The following CPLX2 variants were observed in gnomAD, a reference collection of about 807,000 sequenced individuals.
CPLX2 encodes the protein complexin-2.
In CPLX2, 5 loss-of-function variants were observed where a neutral mutation model predicts 16.3. That is an observed-to-expected ratio of 0.31 (90% confidence interval 0.16 to 0.64). CPLX2 has a LOEUF of 0.64. CPLX2 is among the 30% of genes least tolerant of loss of function. CPLX2 has a pLI of 0.79. For synonymous variants in CPLX2, 89 were observed against 73.2 expected, an observed-to-expected ratio of 1.22 and a Z score of -1.10; for missense variants, 144 against 181.4, an observed-to-expected ratio of 0.79 and a Z score of 1.18.
chr5:175,853,012 C>A (rs188497739), intron 2 of CPLX2, among the ~76,000 whole-genome samples: 249 of 152,340 alleles, frequency 1.6e-3, no homozygotes, highest in Admixed American at 0.015. Context: ...AGAGGGCTAG[C>A]CTCAGACTGA....
intron 2 of CPLX2, among the ~76,000 whole-genome samples, chr5:175,834,860 C>G: frequency 6.6e-6 from 1 of 152,108 alleles, no homozygotes; most frequent in Non-Finnish European, 1.5e-5. Flanking sequence ...GGCGACAGAG[C>G]GAGATCCTGT....
upstream of CPLX2, among the ~76,000 whole-genome samples, chr5:175,867,707 C>T (rs1027852402): frequency 2.6e-5 from 4 of 152,188 alleles, no homozygotes; most frequent in East Asian, 1.9e-4. Context: ...GAGTCAGAGA[C>T]GCACGCCTGC....
intron 2 of CPLX2, among the ~76,000 whole-genome samples, chr5:175,832,901 TC>T (rs1182077943): frequency 6.6e-6 from 1 of 152,182 alleles, no homozygotes; most frequent in Non-Finnish European, 1.5e-5. Flanking sequence ...ATGCCTGTGA[TC>T]CCAGCACTTC....
intron 2 of CPLX2, among the ~76,000 whole-genome samples, chr5:175,825,185 A>C (rs2113650217): frequency 6.6e-6 from 1 of 152,274 alleles, no homozygotes; most frequent in Non-Finnish European, 1.5e-5. Flanking sequence ...TCATGAGGTC[A>C]GGAGATCAAG....
chr5:175,836,149 A>C (rs184657779), intron 2 of CPLX2, among the ~76,000 whole-genome samples: 1 of 151,924 alleles, frequency 6.6e-6, no homozygotes, highest in Non-Finnish European at 1.5e-5. Context: ...AGGAGATCGA[A>C]ACCATCCTGG....
intron 2 of CPLX2, 65 bp from the exon 3 acceptor site, chr5:175,878,843 C>T (rs1755480839): frequency 6.2e-7 from 1 of 1,606,988 alleles, no homozygotes. Context: ...GCCCACCCGG[C>T]CCCTCTCTCC....
At chr5:175,832,028 C>G (rs1054636052) in intron 2 of CPLX2, among the ~76,000 whole-genome samples, 1 of 152,222 alleles carries the variant, frequency 6.6e-6, no homozygotes, top group African/African-American at 2.4e-5. Flanking sequence ...GCTCTGCCCT[C>G]CATGTCTCTT....
In CPLX2 at chr5:175,830,359, T is replaced by C. The variant is rs527684361; in HGVS notation, c.-89+21291T>C. Among the ~76,000 whole-genome samples, 1 of 152,180 alleles carries C rather than the reference T, an allele frequency of 6.6e-6. No homozygotes were observed. Among genetic ancestry groups the C allele is most frequent in the Admixed American group, 6.5e-5 (1 of 15,284 alleles). On this transcript the variant is annotated intron_variant, in intron 2 of 4. Coordinates refer to the CPLX2 transcript ENST00000359546. The surrounding 1 kb of genome is among the most constrained non-coding windows in gnomAD (Gnocchi z 4.0). ...CATTGATGCTCAGACATGAAGCAAC[T>C]TGCCCAGGGTTACACAGCCAGGGAG...
At chr5:175,800,009 A>G (rs1758063938) in intron 1 of CPLX2, among the ~76,000 whole-genome samples, 1 of 152,124 alleles carries the variant, frequency 6.6e-6, no homozygotes, top group Admixed American at 6.5e-5. Flanking sequence ...GATGCATATG[A>G]GGCCTTCCTT....
chr5:175,879,054 G>A lies in CPLX2; in HGVS notation c.178G>A (p.Glu60Lys), dbSNP rs1280174121. 2 of 1,583,304 alleles carry A rather than the reference G, an allele frequency of 1.3e-6. No individual in the cohort carries two copies. The highest frequency in any genetic ancestry group is 1.4e-5 in the African/African-American group (1 of 73,998). ...AKHARMEAER[E>K]KVRQQIRDKY... The stretch of plus-strand genomic sequence containing the variant: ...GCACGCGCGCATGGAGGCGGAGCGG[G>A]AGAAGGTCCGGCAGCAGATCCGAGA... The change falls in exon 3 of 4, where the codon GAG becomes AAG. Residue 60 changes from glutamate (E) to lysine (K), a missense_variant. By Grantham distance (56) the Glu-to-Lys change is moderately conservative. Transcript: ENST00000393745.
At chr5:175,813,144 T>C (rs1197864363) in intron 2 of CPLX2, among the ~76,000 whole-genome samples, 3 of 152,212 alleles carry the variant, frequency 2.0e-5, no homozygotes, top group East Asian at 3.9e-4. Flanking sequence ...CTTTAGCTGG[T>C]ATACAGATGA....
At chr5:175,867,983 C>T (rs1239344563), upstream of CPLX2, among the ~76,000 whole-genome samples, 2 of 152,218 alleles carry the variant, frequency 1.3e-5, no homozygotes, top group East Asian at 1.9e-4. Flanking sequence ...GTACCACCCC[C>T]GCAGTTCTGT....
intron 2 of CPLX2, among the ~76,000 whole-genome samples, chr5:175,865,896 G>GT (rs1166171271): frequency 1.3e-5 from 2 of 152,246 alleles, no homozygotes; most frequent in Non-Finnish European, 2.9e-5. Context: ...GTGGTTCTGA[G>GT]TAGGAGTGGG....
chr5:175,839,515 C>A (rs1758909604), intron 2 of CPLX2, among the ~76,000 whole-genome samples: 1 of 152,174 alleles, frequency 6.6e-6, no homozygotes, highest in Non-Finnish European at 1.5e-5. Context: ...GAACTCCTGA[C>A]CTCAGGTGAT....
At chr5:175,843,616 C>T (rs946522440) in intron 2 of CPLX2, among the ~76,000 whole-genome samples, 10 of 152,222 alleles carry the variant, frequency 6.6e-5, no homozygotes, top group African/African-American at 2.4e-4. Context: ...CTACCATCAC[C>T]TAAAGGGCTG....
At chr5:175,852,957 C>T (rs1399469489) in intron 2 of CPLX2, among the ~76,000 whole-genome samples, 3 of 152,210 alleles carry the variant, frequency 2.0e-5, no homozygotes, top group Non-Finnish European at 4.4e-5. Context: ...AGTCTCAGTA[C>T]GTCCTCAGCA....
chr5:175,822,297 A>ATCCT (rs1357664130), intron 2 of CPLX2, among the ~76,000 whole-genome samples: 1 of 152,048 alleles, frequency 6.6e-6, no homozygotes. Context: ...ACTCTCTAGC[A>ATCCT]TCCTTCCTTC....
intron 2 of CPLX2, among the ~76,000 whole-genome samples, chr5:175,838,458 T>C (rs371223742): frequency 3.9e-5 from 6 of 151,922 alleles, no homozygotes; most frequent in African/African-American, 4.8e-5. Context: ...TTAGTAGAGA[T>C]GGGGTTTCAC....
intron 1 of CPLX2, among the ~76,000 whole-genome samples, chr5:175,874,333 G>A (rs1186484263): frequency 3.3e-5 from 5 of 152,044 alleles, no homozygotes; most frequent in South Asian, 2.1e-4. Flanking sequence ...ATTCTCCCTC[G>A]GCACCCCCAT....
Sources: allele counts gnomAD v4.1 joint callset (sites outside exome capture counted in the v4.1 genomes callset), GRCh38; gene constraint gnomAD v4.1.1; non-coding constraint Gnocchi (gnomAD v3.1); transcripts MANE v1.5; gene names NCBI Gene and HGNC (gene_info 2026-07-23, HGNC 2026-07-21).